ZFHX2: variants seen among roughly 807,000 people sequenced by gnomAD.
ZFHX2 encodes zinc finger homeobox 2, also known as zinc finger homeobox protein 2.
ZFHX2 carries 75 observed loss-of-function variants against 164.8 expected under a neutral mutation model. The ratio of observed to expected loss-of-function variants is 0.46; its 90% confidence interval spans 0.38 to 0.55. The LOEUF is 0.55. ZFHX2 is among the 20% of genes least tolerant of loss of function. The pLI is 0.00. For missense variants in ZFHX2, 2,933 were observed against 3,308.0 expected (o/e 0.89, Z 2.78); for synonymous variants, 1,217 against 1,351.4 (o/e 0.90, Z 2.18).
At chr14:23,545,557 C>T (rs1248716420) in intron 1 of ZFHX2, among the ~76,000 whole-genome samples, 1 of 152,214 alleles carries the variant, frequency 6.6e-6, no homozygotes, top group African/African-American at 2.4e-5. Flanking sequence ...CTAATCTTTC[C>T]AGAACCTCTT....
At chr14:23,541,784 A>G (rs1242742371) in intron 1 of ZFHX2, among the ~76,000 whole-genome samples, 1 of 151,788 alleles carries the variant, frequency 6.6e-6, no homozygotes, top group Non-Finnish European at 1.5e-5. Context: ...TTTTCCAAAG[A>G]TCCTTTCCAA....
intron 1 of ZFHX2, among the ~76,000 whole-genome samples, chr14:23,541,032 G>A (rs1041810941): frequency 6.6e-6 from 1 of 151,802 alleles, no homozygotes. Context: ...ATAGCCTCCC[G>A]AGTAGCTGGG....
intron 1 of ZFHX2, among the ~76,000 whole-genome samples, chr14:23,537,776 TG>T (rs1377004312): frequency 6.6e-6 from 1 of 152,064 alleles, no homozygotes; most frequent in Admixed American, 6.5e-5. Context: ...GAATCCATGG[TG>T]GGGGAGAGGG....
intron 1 of ZFHX2, among the ~76,000 whole-genome samples, chr14:23,540,258 T>C (rs1325928851): frequency 1.3e-5 from 2 of 152,252 alleles, no homozygotes; most frequent in Non-Finnish European, 2.9e-5. Context: ...CCCAAACTGC[T>C]GGGATTACAG....
Position 23,530,181 on chromosome 14 carries a change from G to GACC in ZFHX2, c.2813_2814insGGT (p.Val938dup). 3 of 1,535,620 alleles carry GACC rather than the reference G, an allele frequency of 2.0e-6. No individual in the cohort carries two copies. The South Asian group carries it at 3.6e-5, about 18-fold the overall frequency. On this transcript the variant is annotated inframe_insertion, in exon 5 of 10. Coordinates refer to ENST00000419474, the MANE Select transcript of ZFHX2 (RefSeq NM_033400.3). The stretch of plus-strand genomic sequence containing the variant: ...GGGTGGGTGGCTCAGCTAAGGGGGT[G>GACC]ACAGGAGCCTTCCCTGTGTAGGATG...
chr14:23,555,403 C>T (rs1443458676), upstream of ZFHX2, among the ~76,000 whole-genome samples: 1 of 152,166 alleles, frequency 6.6e-6, no homozygotes, highest in Non-Finnish European at 1.5e-5. Flanking sequence ...AAGGCTTTTC[C>T]CTCAACTGCA....
intron 1 of ZFHX2, among the ~76,000 whole-genome samples, chr14:23,542,584 A>G (rs915817118): frequency 1.3e-5 from 2 of 152,116 alleles, no homozygotes; most frequent in Admixed American, 6.5e-5. Flanking sequence ...CTCTCGTTCT[A>G]CATACCACAG....
Position 23,533,850 on chromosome 14 carries a change from G to T in ZFHX2, c.1476C>A (p.His492Gln), listed in dbSNP as rs759317895. ...AGCTCTCTCCACGAGCAAGGCGGGGGTGGGCGCCCCCAGCACTGCAGTAGC... is the reference window on the plus strand; with the variant it reads ...AGCTCTCTCCACGAGCAAGGCGGGGTTGGGCGCCCCCAGCACTGCAGTAGC... ...HCSYCSAGGA[H>Q]PRLARGESYN... is the part of the protein sequence containing the mutation. The change falls in exon 2 of 10, where the codon CAC becomes CAA. Residue 492 changes from histidine (H) to glutamine (Q), a missense_variant. Transcript: ENST00000419474. The surrounding 1 kb of genome is among the most constrained non-coding windows in gnomAD (Gnocchi z 4.8). 1.3e-6 allele frequency: 2 copies of T among 1,539,312 alleles called. No individual in the cohort carries two copies. Among genetic ancestry groups the T allele is most frequent in the Non-Finnish European group, 1.7e-6 (2 of 1,148,130 alleles).
Position 23,532,707 on chromosome 14 carries a change from G to C in ZFHX2, c.2419C>G (p.Leu807Val), listed in dbSNP as rs1879719160. The change falls in exon 3 of 10, where the codon CTG (leucine) becomes GTG (valine). Residue 807 changes from leucine to valine, a missense_variant. Transcript: ENST00000419474. ...GAMGTPSPAS[L>V]GDGAPYGSVS... is the part of the protein sequence containing the mutation. ...GACCCATAAGGAGCCCCATCTCCCA[G>C]GGATGCTGGGGAAGGGGTGCCCATG... The C allele has an allele frequency of 6.5e-7, 1 of 1,533,774 alleles. No homozygotes were observed. The highest frequency in any genetic ancestry group is 8.7e-7 in the Non-Finnish European group (1 of 1,145,514).
At chr14:23,555,696 A>G (rs1424822465), upstream of ZFHX2, 1 of 92,336 alleles carries the variant, frequency 1.1e-5, no homozygotes, top group Non-Finnish European at 2.3e-5. Context: ...CCCCACCCCA[A>G]CCCCCCTCGC....
Position 23,525,076 on chromosome 14 carries a change from G to C in ZFHX2, c.4866C>G (p.Asp1622Glu). 1 of 1,536,106 alleles carries C rather than the reference G, an allele frequency of 6.5e-7. No homozygotes were observed. Among genetic ancestry groups the C allele is most frequent in the Non-Finnish European group, 8.7e-7 (1 of 1,146,914 alleles). The change falls in exon 9 of 10, where the codon GAC (aspartate) becomes GAG (glutamate). Residue 1622 changes from aspartate to glutamate, a missense_variant. Transcript: ENST00000419474. The surrounding 1 kb of genome is among the most constrained non-coding windows in gnomAD (Gnocchi z 5.9). ...SFFETSAYPK[D>E]GEVERLASLL... ...GACTTGCGAGTCGCTCCACCTCTCC[G>C]TCTTTGGGGTAGGCGCTAGTCTCAA...
chr14:23,534,595 A>T lies in ZFHX2; in HGVS notation c.731T>A (p.Leu244Gln). The change falls in exon 2 of 10, where the codon CTG (leucine) becomes CAG (glutamine). Residue 244 changes from leucine (L) to glutamine (Q), a missense_variant. Transcript: ENST00000419474. The surrounding 1 kb of genome is among the most constrained non-coding windows in gnomAD (Gnocchi z 4.5). The part of the protein sequence containing the change: ...AVFWLCLLCR[L>Q]GFSKPQAFMD... Reference sequence around the variant, plus strand: ...AAAGGCCTGGGGCTTGCTGAAACCCAGGCGGCACAGAAGGCAGAGCCAGAA... The same window carrying T: ...AAAGGCCTGGGGCTTGCTGAAACCCTGGCGGCACAGAAGGCAGAGCCAGAA... 6.5e-7 allele frequency: 1 copy of T among 1,536,174 alleles called. No individual in the cohort carries two copies. Among genetic ancestry groups the T allele is most frequent in the Non-Finnish European group, 8.7e-7 (1 of 1,146,920 alleles).
intron 1 of ZFHX2, among the ~76,000 whole-genome samples, chr14:23,540,660 C>T (rs1371308504): frequency 2.0e-5 from 3 of 152,250 alleles, no homozygotes; most frequent in Non-Finnish European, 2.9e-5. Flanking sequence ...TGCTCCATCA[C>T]TCACTAGCTG....
Position 23,523,270 on chromosome 14 carries a change from C to G in ZFHX2, c.6672G>C (p.Ala2224=). Residue 2224 remains alanine (A), a synonymous_variant, in exon 9 of 10, where the codon GCG becomes GCC. Transcript: ENST00000419474. The surrounding 1 kb of genome is among the most constrained non-coding windows in gnomAD (Gnocchi z 4.1). ...LGAAPTLPRL[A]PVLLSGPALA... ...GAGCTGGGCCAGATAAGAGGACCGG[C>G]GCCAGGCGAGGCAAGGTTGGGGCAG... The G allele has an allele frequency of 7.0e-7, 1 of 1,436,908 alleles. No individual in the cohort carries two copies. The highest frequency in any genetic ancestry group is 1.4e-5 in the African/African-American group (1 of 69,806). The allele number at this position is 1,436,908 out of a possible 1,614,324, so 89.0% of individuals were successfully genotyped here. A position where few individuals can be genotyped will look rare whatever the true frequency, so the allele number is the denominator to read the frequency against.
At chr14:23,536,499 T>A (rs1467776147) in intron 1 of ZFHX2, among the ~76,000 whole-genome samples, 1 of 152,162 alleles carries the variant, frequency 6.6e-6, no homozygotes, top group Non-Finnish European at 1.5e-5. Flanking sequence ...TAACAGCTAG[T>A]CGGTTGCCTC....
rs1171978922 is a variant in ZFHX2, at chr14:23,523,414, C to T, written c.6528G>A (p.Glu2176=). The part of the protein sequence containing the change: ...FSRQHLAKLK[E]AVRAQLKSES... ...CACTCTTCAGCTGGGCTCGAACCGC[C>T]TCCTTGAGCTTGGCCAGGTGCTGAC... The change falls in exon 9 of 10, where the codon GAG becomes GAA. Residue 2176 remains glutamate (E), a synonymous_variant. Transcript: ENST00000419474. The surrounding 1 kb of genome is among the most constrained non-coding windows in gnomAD (Gnocchi z 4.1). 9 of 1,529,284 alleles carry T rather than the reference C, an allele frequency of 5.9e-6. No homozygotes were observed. Among genetic ancestry groups the T allele is most frequent in the Non-Finnish European group, 7.0e-6 (8 of 1,143,534 alleles). The allele number at this position is 1,529,284 out of a possible 1,614,324, so 94.7% of individuals were successfully genotyped here. A position where few individuals can be genotyped will look rare whatever the true frequency, so the allele number is the denominator to read the frequency against.
rs1426501311 is a variant in ZFHX2 at position 23,525,548 on chromosome 14, G to A, written c.4394C>T (p.Pro1465Leu). 3.9e-6 allele frequency: 6 copies of A among 1,535,302 alleles called. No homozygotes were observed. The Admixed American group carries it at 7.8e-5, about 20-fold the overall frequency. ...YNEGKQAVPP[P>L]PTPPPPEALG... ...GGCCTCAGGTGGGGGTGGGGTAGGG[G>A]GAGGGGGCACAGCTTGCTTCCCTTC... is the stretch of plus-strand genomic sequence containing the variant. Residue 1465 changes from proline to leucine, a missense_variant, in exon 9 of 10, where the codon CCC (proline) becomes CTC (leucine). Transcript: ENST00000419474. This position sits in a 1 kb window ranked among gnomAD's most constrained non-coding sequence, Gnocchi z 5.9.
In ZFHX2 at chr14:23,535,649, A is replaced by G. The variant is rs187931962; in HGVS notation, c.-49-275T>C. Among the ~76,000 whole-genome samples the G allele has an allele frequency of 1.8e-4, 27 of 151,914 alleles. No individual in the cohort carries two copies. The highest frequency in any genetic ancestry group is 6.5e-4 in the African/African-American group (27 of 41,392). On this transcript the variant is annotated intron_variant, in intron 1 of 9. Transcript: ENST00000419474. This position sits in a 1 kb window ranked among gnomAD's most constrained non-coding sequence, Gnocchi z 4.5. ...CTCTTGTTGCCCAGGATGGAGTGCA[A>G]TGGCGTGATCTCGGCTCACCGCAAC...
intron 1 of ZFHX2, among the ~76,000 whole-genome samples, chr14:23,538,524 G>T (rs1204334250): frequency 6.6e-6 from 1 of 151,952 alleles, no homozygotes; most frequent in Non-Finnish European, 1.5e-5. Context: ...TGCAGAAACG[G>T]ACAGGCCTAA....
Sources: gnomAD v4.1 joint callset for allele counts (sites outside exome capture counted in the v4.1 genomes callset) on GRCh38, gnomAD v4.1.1 for gene constraint, Gnocchi (gnomAD v3.1) non-coding constraint, MANE v1.5 for transcripts, NCBI Gene and HGNC (gene_info 2026-07-23, HGNC 2026-07-21) for gene names.